AKR1C8: variants seen among roughly 807,000 people sequenced by gnomAD.
The protein encoded by AKR1C8 is aldo-keto reductase family 1 member C-like protein 1.
chr10:5,129,570 A>G, the AKR1C8 span, among the ~76,000 whole-genome samples: 1 of 152,088 alleles, frequency 6.6e-6, no homozygotes, highest in African/African-American at 2.4e-5. Context: ...AAGCTCAATT[A>G]GAAATGAAAC....
the AKR1C8 span, among the ~76,000 whole-genome samples, chr10:5,172,526 T>C: frequency 9.9e-5 from 15 of 152,094 alleles, no homozygotes; most frequent in African/African-American, 3.6e-4. Flanking sequence ...CTAATATTAA[T>C]TTTTATTTAT....
the AKR1C8 span, among the ~76,000 whole-genome samples, chr10:5,144,401 A>T: frequency 5.9e-5 from 9 of 151,948 alleles, no homozygotes; most frequent in Admixed American, 3.3e-4. Flanking sequence ...TTTTTTCCAA[A>T]TCTGTGAAGA....
At chr10:5,145,990 C>A in the AKR1C8 span, among the ~76,000 whole-genome samples, 1 of 151,862 alleles carries the variant, frequency 6.6e-6, no homozygotes, top group East Asian at 1.9e-4. Flanking sequence ...AAATGTGGCA[C>A]ATATACACCA....
chr10:5,183,233 G>A, the AKR1C8 span, among the ~76,000 whole-genome samples: 4 of 151,972 alleles, frequency 2.6e-5, no homozygotes, highest in South Asian at 8.3e-4. Context: ...TTCTAGTTCT[G>A]AACAATTATC....
the AKR1C8 span, among the ~76,000 whole-genome samples, chr10:5,145,951 A>G: frequency 2.6e-5 from 4 of 152,078 alleles, no homozygotes; most frequent in African/African-American, 9.7e-5. Context: ...ACCAACCCAA[A>G]TGTCCAACAA....
the AKR1C8 span, among the ~76,000 whole-genome samples, chr10:5,181,507 C>G: frequency 6.6e-6 from 1 of 152,096 alleles, no homozygotes. Context: ...TCAAGATTGT[C>G]TTCCCTGACC....
the AKR1C8 span, among the ~76,000 whole-genome samples, chr10:5,146,519 A>G: frequency 1.3e-5 from 2 of 152,208 alleles, no homozygotes; most frequent in Non-Finnish European, 2.9e-5. Flanking sequence ...GTCTCGTAAT[A>G]TAGAAAGTGC....
chr10:5,177,596 A>G, the AKR1C8 span, among the ~76,000 whole-genome samples: 1 of 152,130 alleles, frequency 6.6e-6, no homozygotes, highest in Non-Finnish European at 1.5e-5. Context: ...TCGGCTGTGA[A>G]TCCATGTGGT....
At chr10:5,134,765 GAACA>G in the AKR1C8 span, among the ~76,000 whole-genome samples, 4 of 152,120 alleles carry the variant, frequency 2.6e-5, no homozygotes, top group Non-Finnish European at 4.4e-5. Context: ...ATACTTGGAA[GAACA>G]AACAATTTCT....
the AKR1C8 span, among the ~76,000 whole-genome samples, chr10:5,156,182 A>G: frequency 6.6e-6 from 1 of 152,268 alleles, no homozygotes; most frequent in Non-Finnish European, 1.5e-5. Flanking sequence ...AGAGCCTTAG[A>G]ACACAGGAAA....
At chr10:5,169,829 T>A in the AKR1C8 span, among the ~76,000 whole-genome samples, 1 of 152,024 alleles carries the variant, frequency 6.6e-6, no homozygotes, top group African/African-American at 2.4e-5. Flanking sequence ...ATAAAATGTA[T>A]TTGGTGAGGT....
the AKR1C8 span, among the ~76,000 whole-genome samples, chr10:5,130,340 A>C: frequency 6.6e-5 from 10 of 152,150 alleles, no homozygotes; most frequent in Non-Finnish European, 1.3e-4. Flanking sequence ...AGTTTAAAAC[A>C]TTCCCCTGAG....
the AKR1C8 span, chr10:5,160,967 AC>A: frequency 2.2e-6 from 1 of 454,216 alleles, no homozygotes; most frequent in Admixed American, 2.5e-5. Context: ...GCTCGGCCAA[AC>A]AACCTTCAAG....
chr10:5,179,098 A>T, the AKR1C8 span, among the ~76,000 whole-genome samples: 1 of 152,014 alleles, frequency 6.6e-6, no homozygotes, highest in Non-Finnish European at 1.5e-5. Context: ...ATTTGGCATG[A>T]TTTTGCAGTG....
chr10:5,125,587 A>C, the AKR1C8 span, among the ~76,000 whole-genome samples: 1 of 152,184 alleles, frequency 6.6e-6, no homozygotes, highest in Non-Finnish European at 1.5e-5. Context: ...ACCCAGGAAG[A>C]AGAAAACTTG....
chr10:5,179,936 A>G, the AKR1C8 span, among the ~76,000 whole-genome samples: 135 of 152,274 alleles, frequency 8.9e-4, no homozygotes, highest in African/African-American at 2.8e-3. Flanking sequence ...CCTGTAGCTC[A>G]GAGTAGTTTG....
chr10:5,149,848 T>G, the AKR1C8 span, among the ~76,000 whole-genome samples: 1 of 151,762 alleles, frequency 6.6e-6, no homozygotes, highest in Non-Finnish European at 1.5e-5. Context: ...TTTCAAATTC[T>G]GGAAGAATTA....
the AKR1C8 span, among the ~76,000 whole-genome samples, chr10:5,143,171 A>G: frequency 6.6e-6 from 1 of 152,118 alleles, no homozygotes; most frequent in African/African-American, 2.4e-5. Context: ...CTAATTCAAT[A>G]TGGGAAACAA....
At chr10:5,173,918 A>C in the AKR1C8 span, among the ~76,000 whole-genome samples, 1 of 152,082 alleles carries the variant, frequency 6.6e-6, no homozygotes, top group Non-Finnish European at 1.5e-5. Flanking sequence ...ACCACCCTTA[A>C]TACCTGCATA....
Sources: allele counts gnomAD v4.1 joint callset (sites outside exome capture counted in the v4.1 genomes callset), GRCh38; gene constraint gnomAD v4.1.1; transcripts MANE v1.5; gene names NCBI Gene and HGNC (gene_info 2026-07-23, HGNC 2026-07-21).